SYNCRIP: variants seen among roughly 807,000 people sequenced by gnomAD.
SYNCRIP encodes synaptotagmin binding cytoplasmic RNA interacting protein.
A neutral mutation model predicts 68.9 loss-of-function variants in SYNCRIP; 9 were observed. The ratio of observed to expected loss-of-function variants is 0.13; its 90% CI spans 0.08 to 0.23. The LOEUF is 0.23. Ranked by LOEUF, SYNCRIP falls within the 10% of genes least tolerant of loss-of-function variation. SYNCRIP has a pLI of 1.00. For missense variants in SYNCRIP, 414 were observed against 770.6 expected (o/e 0.54, Z 5.48); for synonymous variants, 258 against 254.0 (o/e 1.02, Z -0.15).
At chr6:85,628,362 T>C (rs1807308668) in intron 6 of SYNCRIP, among the ~76,000 whole-genome samples, 4 of 152,366 alleles carry the variant, frequency 2.6e-5, no homozygotes, top group African/African-American at 9.6e-5. Flanking sequence ...GGCCTAAAGA[T>C]TTCTTAATTA....
At chr6:85,626,290 G>C (rs368550785) in intron 6 of SYNCRIP, among the ~76,000 whole-genome samples, 1 of 152,146 alleles carries the variant, frequency 6.6e-6, no homozygotes, top group Admixed American at 6.5e-5. Context: ...TTATAATCTA[G>C]CATCAAGTAG....
At position 85,614,657 on chromosome 6, in the gene SYNCRIP, T is replaced by C; in HGVS notation, c.*99A>G. 3 of 1,432,990 alleles carry C rather than the reference T, an allele frequency of 2.1e-6. No individual in the cohort carries two copies. The highest frequency in any genetic ancestry group is 2.7e-6 in the Non-Finnish European group (3 of 1,091,828). The allele number at this position is 1,432,990 out of a possible 1,614,324, so 88.8% of individuals were successfully genotyped here. On this transcript the variant is annotated 3_prime_UTR_variant, in exon 11 of 11. Coordinates refer to ENST00000369622, the MANE Select transcript of SYNCRIP (RefSeq NM_006372.5). ...GTTAAAATATATACATAAAGGGAAA[T>C]CTTGCCAGATGTCACAAATTATAGC...
intron 6 of SYNCRIP, among the ~76,000 whole-genome samples, chr6:85,624,641 T>C (rs1806829613): frequency 6.6e-6 from 1 of 152,176 alleles, no homozygotes; most frequent in Admixed American, 6.5e-5. Flanking sequence ...TAACAAATTA[T>C]GAAGGAGAAA....
At chr6:85,637,989 T>C (rs962805085) in intron 4 of SYNCRIP, among the ~76,000 whole-genome samples, 2 of 152,210 alleles carry the variant, frequency 1.3e-5, no homozygotes, top group Non-Finnish European at 2.9e-5. Flanking sequence ...AACCTCTACA[T>C]TTTAACTCCC....
In SYNCRIP at chr6:85,631,339, C is replaced by CAAAAAAAAAAAAAAAAA. The variant is rs71003000; in HGVS notation, c.666+5627_666+5628insTTTTTTTTTTTTTTTTT. On this transcript the variant is annotated intron_variant, in intron 6 of 10. Transcript: ENST00000369622. ...GGGTGACAAAGCATGACTGTGTCTC[C>CAAAAAAAAAAAAAAAAA]AAAAAAAAAAAAAAAAGGCCATGGC... is the stretch of plus-strand genomic sequence containing the variant. Among the ~76,000 whole-genome samples the CAAAAAAAAAAAAAAAAA allele has an allele frequency of 5.8e-4, 53 of 91,788 alleles. 1 individual carries two copies. Among genetic ancestry groups the CAAAAAAAAAAAAAAAAA allele is most frequent in the African/African-American group, 1.7e-3 (35 of 20,114 alleles). The allele number at this position is 91,788 out of a possible 152,430, so 60.2% of individuals were successfully genotyped here. A position where few individuals can be genotyped will look rare whatever the true frequency, so the allele number is the denominator to read the frequency against.
At chr6:85,641,828 A>C (rs1460222062) in intron 1 of SYNCRIP, among the ~76,000 whole-genome samples, 1 of 152,112 alleles carries the variant, frequency 6.6e-6, no homozygotes, top group African/African-American at 2.4e-5. Context: ...ATAAACCCCC[A>C]AAGTGCGCGC....
intron 10 of SYNCRIP, among the ~76,000 whole-genome samples, chr6:85,616,854 C>T (rs747855602): frequency 1.3e-5 from 2 of 152,078 alleles, no homozygotes; most frequent in Non-Finnish European, 2.9e-5. Flanking sequence ...ACATTTTAGA[C>T]GGTCATAACT....
In SYNCRIP at chr6:85,625,831, A is replaced by C. The variant is rs1806970946; in HGVS notation, c.667-1719T>G. Among the ~76,000 whole-genome samples the C allele has an allele frequency of 2.6e-5, 4 of 152,022 alleles. No homozygotes were observed. In the South Asian group the frequency reaches 8.3e-4, roughly 32 times the overall value. On this transcript the variant is annotated intron_variant, in intron 6 of 10. Coordinates refer to ENST00000369622, the MANE Select transcript of SYNCRIP (RefSeq NM_006372.5). ...TAAATCCTAAAAGGGTCAACAAAAT[A>C]CTCCTCCATGTTAACACAGACCAAC...
chr6:85,639,017 G>A (rs936510338), intron 4 of SYNCRIP, among the ~76,000 whole-genome samples: 3 of 152,108 alleles, frequency 2.0e-5, no homozygotes, highest in African/African-American at 4.8e-5. Flanking sequence ...AGACCATCCC[G>A]GTCAACATGG....
chr6:85,628,868 C>T (rs144987864), intron 6 of SYNCRIP, among the ~76,000 whole-genome samples: 80 of 152,320 alleles, frequency 5.3e-4, no homozygotes, highest in African/African-American at 1.6e-3. Context: ...AGTTACCAAA[C>T]GTATCATGAA....
intron 8 of SYNCRIP, among the ~76,000 whole-genome samples, chr6:85,621,166 G>C (rs1326824523): frequency 6.6e-6 from 1 of 152,194 alleles, no homozygotes; most frequent in East Asian, 1.9e-4. Context: ...TTATAGGCCA[G>C]AGGAAAAATG....
chr6:85,635,774 CAAAAAAA>C (rs58599854), intron 6 of SYNCRIP, among the ~76,000 whole-genome samples: 4 of 78,914 alleles, frequency 5.1e-5, no homozygotes, highest in South Asian at 5.4e-4. Context: ...TTCTATCTCC[CAAAAAAA>C]AAAAAAAAAA....
At chr6:85,629,052 A>T (rs373061327) in intron 6 of SYNCRIP, among the ~76,000 whole-genome samples, 74 of 152,226 alleles carry the variant, frequency 4.9e-4, no homozygotes, top group African/African-American at 1.6e-3. Context: ...TCAGCCACTT[A>T]CAACATGCCA....
At chr6:85,627,398 T>C (rs948510061) in intron 6 of SYNCRIP, among the ~76,000 whole-genome samples, 2 of 151,624 alleles carry the variant, frequency 1.3e-5, no homozygotes, top group African/African-American at 2.4e-5. Context: ...ATAACAAAAG[T>C]AGTACCTAGA....
At position 85,614,786 on chromosome 6, in the gene SYNCRIP, A is replaced by T; in HGVS notation, c.1842T>A (p.Tyr614Ter). The T allele has an allele frequency of 6.2e-7, 1 of 1,608,936 alleles. No homozygotes were observed. The highest frequency in any genetic ancestry group is 8.5e-7 in the Non-Finnish European group (1 of 1,177,900). The stretch of plus-strand genomic sequence containing the variant: ...TCCACTGTTGCCCAAAAGTATCCTG[A>T]TAAAACTCCTGGTTTTCAGATTTGT... The part of the protein sequence containing the change: ...YGYKSENQEF[Y>*]QDTFGQQWK Residue 614 changes from tyrosine to a stop codon, truncating the protein, a stop_gained, in exon 11 of 11, where the codon TAT (tyrosine) becomes TAA (stop). Coordinates refer to ENST00000369622, the MANE Select transcript of SYNCRIP (RefSeq NM_006372.5). LOFTEE classifies it high-confidence loss of function.
At chr6:85,623,254 T>C (rs192924493) in intron 7 of SYNCRIP, among the ~76,000 whole-genome samples, 2 of 152,168 alleles carry the variant, frequency 1.3e-5, no homozygotes, top group Admixed American at 1.3e-4. Flanking sequence ...TTTTTTACCA[T>C]GTTGACAATA....
downstream of SYNCRIP, chr6:85,612,972 T>A: frequency 6.5e-7 from 1 of 1,540,840 alleles, no homozygotes; most frequent in Non-Finnish European, 8.8e-7. Flanking sequence ...CTTAAATTAA[T>A]AATGTGTACA....
At chr6:85,628,181 T>G (rs1416842429) in intron 6 of SYNCRIP, among the ~76,000 whole-genome samples, 4 of 151,910 alleles carry the variant, frequency 2.6e-5, no homozygotes, top group African/African-American at 4.8e-5. Flanking sequence ...TCAGCCTCCC[T>G]AGTAGCTGGG....
chr6:85,624,198 T>C (rs765418105), intron 6 of SYNCRIP, 86 bp from the exon 7 acceptor site: 12 of 1,361,170 alleles, frequency 8.8e-6, no homozygotes, highest in African/African-American at 1.5e-5. Flanking sequence ...GAGCAAATCA[T>C]CCTTTAAAAA....
Sources: allele counts gnomAD v4.1 joint callset (sites outside exome capture counted in the v4.1 genomes callset), GRCh38; gene constraint gnomAD v4.1.1; transcripts MANE v1.5; gene names NCBI Gene and HGNC (gene_info 2026-07-23, HGNC 2026-07-21).